Variants in PLXNA2 observed in about 807,000 individuals in gnomAD.
PLXNA2 encodes plexin-A2.
Under a neutral mutation model 193.5 loss-of-function variants are expected in PLXNA2, and 91 were observed. The observed-to-expected ratio is 0.47, with a 90% confidence interval of 0.40 to 0.56. The LOEUF is 0.56. Among genes scored for constraint, PLXNA2 ranks in the 20% least tolerant of loss-of-function variants. The pLI is 0.00. For synonymous variants in PLXNA2, 997 were observed against 1,027.3 expected (o/e 0.97, Z 0.56); for missense variants, 1,995 against 2,503.2 (o/e 0.80, Z 4.33).
rs1664977887 is a variant in PLXNA2, at chr1:208,044,251, A to G, written c.3874+257T>C. ...CCCTGAGAGGGAGAAAGTGTTTGCC[A>G]GATTGTGGGATGGGTCAGGGCAAAG... On this transcript the variant is annotated intron_variant, in intron 20 of 31. Transcript: ENST00000367033. The surrounding 1 kb of genome is among the most constrained non-coding windows in gnomAD (Gnocchi z 4.9). Among the ~76,000 whole-genome samples, 2 of 152,226 alleles carry G rather than the reference A, an allele frequency of 1.3e-5. No homozygotes were observed. The highest frequency in any genetic ancestry group is 2.4e-5 in the African/African-American group (1 of 41,458).
chr1:208,244,079 T>C lies in PLXNA2; in HGVS notation c.-517A>G, dbSNP rs1480226055. Reference sequence around the variant, plus strand: ...CTTCCTTCCCTTCTTGCTCTCCGGTTCGTTCACAGTCCCATTTCCTCCGGG... The same window carrying C: ...CTTCCTTCCCTTCTTGCTCTCCGGTCCGTTCACAGTCCCATTTCCTCCGGG... On this transcript the variant is annotated 5_prime_UTR_variant, in exon 1 of 32. Coordinates refer to ENST00000367033, the MANE Select transcript of PLXNA2 (RefSeq NM_025179.4). 1.3e-5 allele frequency: 2 copies of C among 152,768 alleles called. No homozygotes were observed. The highest frequency in any genetic ancestry group is 6.5e-5 in the Admixed American group (1 of 15,294). The allele number at this position is 152,768 out of a possible 1,614,324, so 9.5% of individuals were successfully genotyped here.
Position 208,243,644 on chromosome 1 carries a change from C to G in PLXNA2, c.-82G>C, listed in dbSNP as rs951488008. Reference sequence around the variant, plus strand: ...GCGCCCGGCCCAGCCGCCGCTTACCCAGCTCGGCGACGTCGGTCTGTCCTT... The same window carrying G: ...GCGCCCGGCCCAGCCGCCGCTTACCGAGCTCGGCGACGTCGGTCTGTCCTT... On this transcript the variant is annotated splice_region_variant and 5_prime_UTR_variant, in exon 1 of 32. Coordinates refer to ENST00000367033, the MANE Select transcript of PLXNA2 (RefSeq NM_025179.4). 6.6e-6 allele frequency: 1 copy of G among 152,168 alleles called. No individual in the cohort carries two copies. The highest frequency in any genetic ancestry group is 1.5e-5 in the Non-Finnish European group (1 of 68,016). The allele number at this position is 152,168 out of a possible 1,614,324, so 9.4% of individuals were successfully genotyped here.
intron 3 of PLXNA2, among the ~76,000 whole-genome samples, chr1:208,180,360 C>T (rs1321053297): frequency 6.6e-6 from 1 of 152,050 alleles, no homozygotes; most frequent in Non-Finnish European, 1.5e-5. Context: ...TGAGTGGGCA[C>T]CTCTGCCGGG....
In PLXNA2 at chr1:208,028,128, T is replaced by C; in HGVS notation, c.5470A>G (p.Ile1824Val). The change falls in exon 31 of 32, where the codon ATC (isoleucine) becomes GTC (valine). Residue 1824 changes from isoleucine to valine, a missense_variant. This residue lies in a region of PLXNA2 where 1,291 missense variants were observed against 1,673.6 expected (regional missense o/e 0.77). Coordinates refer to ENST00000367033, the MANE Select transcript of PLXNA2 (RefSeq NM_025179.4). The surrounding 1 kb of genome is among the most constrained non-coding windows in gnomAD (Gnocchi z 4.2). ...TAGGCATTCATGTCCTGGTCACTGA[T>C]GGCTGGGAGCTTGGCGATGTCTGCG... Reference protein sequence around the residue: ...YYADIAKLPAISDQDMNAYLA... With the variant: ...YYADIAKLPAVSDQDMNAYLA... 1 of 1,613,366 alleles carries C rather than the reference T, an allele frequency of 6.2e-7. No individual in the cohort carries two copies. The highest frequency in any genetic ancestry group is 8.5e-7 in the Non-Finnish European group (1 of 1,179,654).
intron 12 of PLXNA2, among the ~76,000 whole-genome samples, chr1:208,063,385 G>A (rs1029615236): frequency 6.6e-6 from 1 of 152,214 alleles, no homozygotes; most frequent in African/African-American, 2.4e-5. Context: ...CTGGGGTGCT[G>A]TAGGGTCTAT....
intron 29 of PLXNA2, 152 bp downstream of exon 29, chr1:208,031,438 G>A (rs890675933): frequency 5.4e-6 from 7 of 1,297,686 alleles, no homozygotes; most frequent in African/African-American, 1.6e-5. Flanking sequence ...GCTCTGCAGA[G>A]CATATGTGCA....
At chr1:208,106,063 C>T (rs1667261625) in intron 4 of PLXNA2, among the ~76,000 whole-genome samples, 1 of 78,764 alleles carries the variant, frequency 1.3e-5, no homozygotes. Flanking sequence ...CTGGGCCCTC[C>T]TGGTGATTTT....
At chr1:208,202,031 T>G (rs1670568628) in intron 3 of PLXNA2, among the ~76,000 whole-genome samples, 1 of 151,708 alleles carries the variant, frequency 6.6e-6, no homozygotes, top group African/African-American at 2.4e-5. Context: ...CAGCTTGGAA[T>G]GCAGTGGTGC....
chr1:208,091,078 C>T (rs1311530898), intron 9 of PLXNA2, among the ~76,000 whole-genome samples: 1 of 152,150 alleles, frequency 6.6e-6, no homozygotes, highest in African/African-American at 2.4e-5. Flanking sequence ...CCAGCTGCAT[C>T]AAAGCATACC....
intron 4 of PLXNA2, among the ~76,000 whole-genome samples, chr1:208,140,592 T>G (rs1171365984): frequency 6.6e-6 from 1 of 152,234 alleles, no homozygotes; most frequent in Non-Finnish European, 1.5e-5. Context: ...TGTCCTTTTT[T>G]CTGTATCTAT....
chr1:208,028,712 TG>T lies in PLXNA2; in HGVS notation c.5438+117del. On this transcript the variant is annotated intron_variant, in intron 30 of 31. Transcript: ENST00000367033. This position sits in a 1 kb window ranked among gnomAD's most constrained non-coding sequence, Gnocchi z 4.2. ...GCAGGGGGTGTGGCAGGGAGGGGAG[TG>T]GGAGGTCCTGAAGAGATGACAGACA... The T allele has an allele frequency of 2.4e-6, 2 of 828,596 alleles. No individual in the cohort carries two copies. Among genetic ancestry groups the T allele is most frequent in the Admixed American group, 5.8e-5 (2 of 34,256 alleles). The allele number at this position is 828,596 out of a possible 1,614,324, so 51.3% of individuals were successfully genotyped here. A position where few individuals can be genotyped will look rare whatever the true frequency, so the allele number is the denominator to read the frequency against.
Position 208,079,391 on chromosome 1 carries a change from G to C in PLXNA2, c.2455C>G (p.Arg819Gly). 1.2e-6 allele frequency: 2 copies of C among 1,613,490 alleles called. No individual in the cohort carries two copies. The highest frequency in any genetic ancestry group is 2.2e-5 in the South Asian group (2 of 90,930). ...ESCGLCLKAD[R>G]KFECGWCSGE... ...CTGCACCAGCCACACTCAAACTTCC[G>C]GTCGGCCTTGAGGCAGAGGCCGCAG... Residue 819 changes from arginine (R) to glycine (G), a missense_variant, in exon 12 of 32, where the codon CGG (arginine) becomes GGG (glycine). Arg to Gly is a moderately radical substitution (Grantham distance 125). Coordinates refer to ENST00000367033, the MANE Select transcript of PLXNA2 (RefSeq NM_025179.4).
chr1:208,158,290 G>T (rs1668999718), intron 3 of PLXNA2, among the ~76,000 whole-genome samples: 1 of 152,044 alleles, frequency 6.6e-6, no homozygotes, highest in African/African-American at 2.4e-5. Context: ...TCCCTTCCTT[G>T]TCTCTCTCCC....
rs530562060 is a variant in PLXNA2 at position 208,028,659 on chromosome 1, C to A, written c.5438+171G>T. 1.3e-5 allele frequency among the ~76,000 whole-genome samples: 2 copies of A among 152,226 alleles called. No homozygotes were observed. Among genetic ancestry groups the A allele is most frequent in the South Asian group, 2.1e-4 (1 of 4,826 alleles). Reference sequence around the variant, plus strand: ...TAGGATGATAATCATCTGACTTCCACGGGCACAAAGCCACCCTTCCTCCCG... The same window carrying A: ...TAGGATGATAATCATCTGACTTCCAAGGGCACAAAGCCACCCTTCCTCCCG... On this transcript the variant is annotated intron_variant, in intron 30 of 31. Coordinates refer to ENST00000367033, the MANE Select transcript of PLXNA2 (RefSeq NM_025179.4). This position sits in a 1 kb window ranked among gnomAD's most constrained non-coding sequence, Gnocchi z 4.2.
At position 208,082,699 on chromosome 1, in the gene PLXNA2, C is replaced by G. The variant is rs1666386760; in HGVS notation, c.2299-191G>C. On this transcript the variant is annotated intron_variant, in intron 10 of 31. Transcript: ENST00000367033. This position sits in a 1 kb window ranked among gnomAD's most constrained non-coding sequence, Gnocchi z 4.2. ...AGTGCCCTGCATAATCGGATGCAAA[C>G]TGACTCCTCCAGCTTTCTCCTCCAC... Among the ~76,000 whole-genome samples, 2 of 152,310 alleles carry G rather than the reference C, an allele frequency of 1.3e-5. No individual in the cohort carries two copies. Among genetic ancestry groups the G allele is most frequent in the African/African-American group, 4.8e-5 (2 of 41,560 alleles).
chr1:208,050,185 C>G (rs558734343), intron 17 of PLXNA2, among the ~76,000 whole-genome samples: 2 of 152,260 alleles, frequency 1.3e-5, no homozygotes, highest in Non-Finnish European at 2.9e-5. Flanking sequence ...GATGCAGTGA[C>G]TAGCATTTAT....
chr1:208,167,734 G>T (rs1669356639), intron 3 of PLXNA2, among the ~76,000 whole-genome samples: 1 of 152,230 alleles, frequency 6.6e-6, no homozygotes, highest in Non-Finnish European at 1.5e-5. Context: ...CCCGCACGTG[G>T]TGCATAATGA....
chr1:208,027,996 G>A lies in PLXNA2; in HGVS notation c.5589+13C>T. ...GCCTGTTGGTTTCTGTCCCTGCTGG[G>A]GCCCTGTCTCACCTCCTCACTATAC... On this transcript the variant is annotated intron_variant, in intron 31 of 31. Transcript: ENST00000367033. The A allele has an allele frequency of 6.4e-7, 1 of 1,552,510 alleles. No homozygotes were observed. Among genetic ancestry groups the A allele is most frequent in the Non-Finnish European group, 8.7e-7 (1 of 1,146,534 alleles).
intron 3 of PLXNA2, among the ~76,000 whole-genome samples, chr1:208,205,879 A>G (rs1319938279): frequency 1.3e-5 from 2 of 152,236 alleles, no homozygotes; most frequent in African/African-American, 4.8e-5. Flanking sequence ...AGCCTAATTC[A>G]TCTTCCATAG....
Sources: gnomAD v4.1 joint callset for allele counts (sites outside exome capture counted in the v4.1 genomes callset) on GRCh38, gnomAD v4.1.1 for gene constraint, gnomAD v4.1.1 regional missense constraint, Gnocchi (gnomAD v3.1) non-coding constraint, MANE v1.5 for transcripts, NCBI Gene and HGNC (gene_info 2026-07-23, HGNC 2026-07-21) for gene names.